KCNK12: variants seen among roughly 807,000 people sequenced by gnomAD.
KCNK12 encodes potassium channel subfamily K member 12.
In KCNK12, 6 loss-of-function variants were observed where a neutral mutation model predicts 25.3. The ratio of observed to expected loss-of-function variants is 0.24; its 90% CI spans 0.13 to 0.47. KCNK12 has a LOEUF of 0.47. Ranked by LOEUF, KCNK12 falls within the 20% of genes least tolerant of loss-of-function variation. The pLI, the probability that KCNK12 is intolerant of heterozygous loss-of-function variation, is 0.99. For missense variants in KCNK12, 444 were observed against 661.7 expected (o/e 0.67, Z 3.61); for synonymous variants, 331 against 311.1 (o/e 1.06, Z -0.67).
intron 1 of KCNK12, among the ~76,000 whole-genome samples, chr2:47,558,295 G>A (rs535126636): frequency 1.3e-5 from 2 of 152,372 alleles, no homozygotes; most frequent in Non-Finnish European, 2.9e-5. Context: ...AGCAGGAAGT[G>A]TGGGGAGTGA....
chr2:47,563,233 C>A, intron 1 of KCNK12: 1 of 233,558 alleles, frequency 4.3e-6, no homozygotes, highest in South Asian at 1.8e-4. Flanking sequence ...CTCAGATACC[C>A]ACCCTTCTCT....
At chr2:47,532,387 G>T (rs946596099) in intron 1 of KCNK12, among the ~76,000 whole-genome samples, 29 of 151,892 alleles carry the variant, frequency 1.9e-4, no homozygotes, top group African/African-American at 5.6e-4. Flanking sequence ...TTTGAGACAG[G>T]ATCTTGCTCT....
At chr2:47,553,341 T>C (rs1030927593) in intron 1 of KCNK12, among the ~76,000 whole-genome samples, 3 of 152,224 alleles carry the variant, frequency 2.0e-5, no homozygotes, top group Admixed American at 6.5e-5. Context: ...CAGAGCTGAA[T>C]ATACAAACTA....
At chr2:47,534,515 A>ACCCCCCCCCCCC (rs34901455) in intron 1 of KCNK12, among the ~76,000 whole-genome samples, 40 of 48,150 alleles carry the variant, frequency 8.3e-4, no homozygotes, top group African/African-American at 1.2e-3. Flanking sequence ...GCCCCTTCTA[A>ACCCCCCCCCCCC]CCCCCCCCCC....
Position 47,542,252 on chromosome 2 carries a change from G to C in KCNK12, c.392-20444C>G, listed in dbSNP as rs549069308. On this transcript the variant is annotated intron_variant, in intron 1 of 1. Transcript: ENST00000327876. ...CTCCACACCAGGCTTGGGCCCAGGG[G>C]CACAGCCTGGTCTTCCTGAGGATGC... Among the ~76,000 whole-genome samples the C allele has an allele frequency of 1.6e-3, 244 of 152,198 alleles. 1 individual carries two copies. The Middle Eastern group carries it at 0.045, about 28-fold the overall frequency.
rs535091081 is a variant in KCNK12 at position 47,552,034 on chromosome 2, C to A, written c.391+17907G>T. Among the ~76,000 whole-genome samples the A allele has an allele frequency of 2.0e-3, 310 of 152,228 alleles. 3 individuals are homozygous for A. The highest frequency in any genetic ancestry group is 7.2e-3 in the African/African-American group (300 of 41,522). On this transcript the variant is annotated intron_variant, in intron 1 of 1. Transcript: ENST00000327876. ...GGTGGTGGGGAGGTGGGGGGAAGGTCAGGAACTGAGATAGAATTTATCAGC... is the reference window on the plus strand; with the variant it reads ...GGTGGTGGGGAGGTGGGGGGAAGGTAAGGAACTGAGATAGAATTTATCAGC...
In KCNK12 at chr2:47,569,650, TAGAGGAG is replaced by T. The variant is rs1280602210; in HGVS notation, c.391+284_391+290del. Among the ~76,000 whole-genome samples the T allele has an allele frequency of 1.3e-5, 2 of 151,976 alleles. No individual in the cohort carries two copies. Among genetic ancestry groups the T allele is most frequent in the Non-Finnish European group, 2.9e-5 (2 of 67,996 alleles). On this transcript the variant is annotated intron_variant, in intron 1 of 1. Transcript: ENST00000327876. The surrounding 1 kb of genome is among the most constrained non-coding windows in gnomAD (Gnocchi z 4.1). ...ACCGGTAGCCCTTGGCACGTATTCT[TAGAGGAG>T]AAAACGGAGGCTCACAAAGGTCAGA...
rs923513016 is a variant in KCNK12 at position 47,570,137 on chromosome 2, C to T, written c.195G>A (p.Glu65=). The change falls in exon 1 of 2, where the codon GAG becomes GAA. Residue 65 remains glutamate, a synonymous_variant. Coordinates refer to ENST00000327876, the MANE Select transcript of KCNK12 (RefSeq NM_022055.2). The stretch of plus-strand genomic sequence containing the variant: ...CGCCCCAGCGCGCCCGCGCCTCCGC[C>T]TCGCCGGGGCTCTCGAGCGCCGAGA... ...TVFSALESPG[E]AEARARWGAT... 2.8e-6 allele frequency: 4 copies of T among 1,446,502 alleles called. No homozygotes were observed. The highest frequency in any genetic ancestry group is 3.0e-5 in the African/African-American group (2 of 67,674). 89.6% of individuals were successfully genotyped at this position (1,446,502 alleles called of 1,614,324 possible).
At position 47,516,387 on chromosome 2, in the gene KCNK12, C is replaced by T. The variant is rs1668525330; in HGVS notation, c.*4520G>A. ...TCCCCCAGCCTTGGCTCAGCCTGGC[C>T]AAGCTGCCCAGGAGGTCCCTTGGTG... On this transcript the variant is annotated 3_prime_UTR_variant, in exon 2 of 2. Transcript: ENST00000327876. Among the ~76,000 whole-genome samples the T allele has an allele frequency of 6.6e-6, 1 of 152,172 alleles. No individual in the cohort carries two copies. Among genetic ancestry groups the T allele is most frequent in the Admixed American group, 6.5e-5 (1 of 15,284 alleles).
At chr2:47,553,949 G>A (rs139592401) in intron 1 of KCNK12, among the ~76,000 whole-genome samples, 9 of 152,284 alleles carry the variant, frequency 5.9e-5, no homozygotes, top group Non-Finnish European at 1.2e-4. Context: ...GTTTAGCTTT[G>A]CCACTTACAT....
rs1055488744 is a variant in KCNK12 at position 47,529,067 on chromosome 2, A to T, written c.392-7259T>A. ...CATGCCCTTTCCACTTGCCAGACAGATGGGAAGTCTTGACTCATTACCCGC... is the reference window on the plus strand; with the variant it reads ...CATGCCCTTTCCACTTGCCAGACAGTTGGGAAGTCTTGACTCATTACCCGC... On this transcript the variant is annotated intron_variant, in intron 1 of 1. Transcript: ENST00000327876. The surrounding 1 kb of genome is among the most constrained non-coding windows in gnomAD (Gnocchi z 4.3). 6.6e-6 allele frequency: 1 copy of T among 152,290 alleles called. No homozygotes were observed. Among genetic ancestry groups the T allele is most frequent in the African/African-American group, 2.4e-5 (1 of 41,450 alleles). The allele number at this position is 152,290 out of a possible 1,614,324, so 9.4% of individuals were successfully genotyped here. A position where few individuals can be genotyped will look rare whatever the true frequency, so the allele number is the denominator to read the frequency against.
In KCNK12 at chr2:47,512,242, G is replaced by A. The variant is rs1253965901; in HGVS notation, c.*8665C>T. On this transcript the variant is annotated 3_prime_UTR_variant, in exon 2 of 2. Coordinates refer to ENST00000327876, the MANE Select transcript of KCNK12 (RefSeq NM_022055.2). The stretch of plus-strand genomic sequence containing the variant: ...ACTCTGCAGATGTTTGCTGAGTATC[G>A]TTCTTGATGGAAATCCCCGTGGAAC... 31 of 1,594,256 alleles carry A rather than the reference G, an allele frequency of 1.9e-5. No homozygotes were observed. Among genetic ancestry groups the A allele is most frequent in the East Asian group, 9.0e-5 (4 of 44,680 alleles).
chr2:47,534,946 C>T (rs1020364793), intron 1 of KCNK12: 17 of 222,530 alleles, frequency 7.6e-5, no homozygotes, highest in South Asian at 1.8e-4. Flanking sequence ...AGTTCCAAGC[C>T]CTCTCAATGA....
chr2:47,563,671 C>A, intron 1 of KCNK12: 1 of 233,220 alleles, frequency 4.3e-6, no homozygotes, highest in East Asian at 6.0e-5. Context: ...GGACTCCAGC[C>A]CCCACCCCTA....
intron 1 of KCNK12, among the ~76,000 whole-genome samples, chr2:47,522,905 C>T (rs911915165): frequency 1.3e-5 from 2 of 151,778 alleles, no homozygotes; most frequent in Non-Finnish European, 2.9e-5. Context: ...TTTTTTTTCC[C>T]AAGTGTGCCA....
At chr2:47,550,507 C>T (rs1453963324) in intron 1 of KCNK12, among the ~76,000 whole-genome samples, 4 of 151,434 alleles carry the variant, frequency 2.6e-5, no homozygotes, top group South Asian at 2.1e-4. Flanking sequence ...CTCAGCCTCC[C>T]GAGTAGCTGG....
rs1668992251 is a variant in KCNK12, at chr2:47,533,890, A to AC, written c.392-12083dup. ...GGCGTGGGGTGGGAGCATCCAGTGC[A>AC]CCCCTCTTGCATTGGGTGCGCAGTG... On this transcript the variant is annotated intron_variant, in intron 1 of 1. Coordinates refer to ENST00000327876, the MANE Select transcript of KCNK12 (RefSeq NM_022055.2). This position sits in a 1 kb window ranked among gnomAD's most constrained non-coding sequence, Gnocchi z 4.7. Among the ~76,000 whole-genome samples, 1 of 151,842 alleles carries AC rather than the reference A, an allele frequency of 6.6e-6. No homozygotes were observed. The highest frequency in any genetic ancestry group is 2.1e-4 in the South Asian group (1 of 4,820).
chr2:47,527,964 G>A (rs1196042027), intron 1 of KCNK12, among the ~76,000 whole-genome samples: 1 of 152,144 alleles, frequency 6.6e-6, no homozygotes, highest in Non-Finnish European at 1.5e-5. Context: ...CCCCTCACTG[G>A]GTTTCTTAGC....
At chr2:47,549,802 C>T (rs975352792) in intron 1 of KCNK12, among the ~76,000 whole-genome samples, 41 of 151,896 alleles carry the variant, frequency 2.7e-4, no homozygotes, top group African/African-American at 3.9e-4. Context: ...GGCGCAGTGG[C>T]GGGCGCCTGT....
Sources: allele counts gnomAD v4.1 joint callset (sites outside exome capture counted in the v4.1 genomes callset), GRCh38; gene constraint gnomAD v4.1.1; non-coding constraint Gnocchi (gnomAD v3.1); transcripts MANE v1.5; gene names NCBI Gene and HGNC (gene_info 2026-07-23, HGNC 2026-07-21).